The following ZFPM2 variants were observed in gnomAD, a reference collection of about 807,000 sequenced individuals.
ZFPM2 encodes zinc finger protein, FOG family member 2.
ZFPM2 carries 20 observed loss-of-function variants against 98.6 expected under a neutral mutation model. That is an observed-to-expected ratio of 0.20 (90% confidence interval 0.14 to 0.29). ZFPM2 has a LOEUF of 0.29. Ranked by LOEUF, ZFPM2 falls within the 10% of genes least tolerant of loss-of-function variation. The pLI is 1.00. For missense variants in ZFPM2, 1,310 were observed against 1,388.6 expected, an observed-to-expected ratio of 0.94 and a Z score of 0.90; for synonymous variants, 518 against 502.7, an observed-to-expected ratio of 1.03 and a Z score of -0.41.
chr8:105,451,994 G>A (rs1812493443), intron 3 of ZFPM2, among the ~76,000 whole-genome samples: 1 of 151,988 alleles, frequency 6.6e-6, no homozygotes, highest in African/African-American at 2.4e-5. Flanking sequence ...AAAAAATGTA[G>A]GTGTGGTCAG....
chr8:105,342,793 T>A (rs895996012), intron 1 of ZFPM2, among the ~76,000 whole-genome samples: 2 of 152,088 alleles, frequency 1.3e-5, no homozygotes, highest in African/African-American at 4.8e-5. Context: ...AATTTCACTT[T>A]TACAAACTAT....
intron 3 of ZFPM2, among the ~76,000 whole-genome samples, chr8:105,513,346 T>C (rs1332043345): frequency 1.3e-5 from 2 of 152,172 alleles, no homozygotes; most frequent in African/African-American, 4.8e-5. Flanking sequence ...TTGCAGATAA[T>C]AGTGGTTTAG....
At chr8:105,609,127 G>T (rs1258617339) in intron 4 of ZFPM2, among the ~76,000 whole-genome samples, 2 of 152,018 alleles carry the variant, frequency 1.3e-5, no homozygotes, top group Non-Finnish European at 2.9e-5. Context: ...TATTCCCAGG[G>T]GACATAAAAG....
At chr8:105,455,305 G>C (rs1812565462) in intron 3 of ZFPM2, among the ~76,000 whole-genome samples, 1 of 152,096 alleles carries the variant, frequency 6.6e-6, no homozygotes, top group African/African-American at 2.4e-5. Context: ...AGAGAAAAAG[G>C]CATTATTAGT....
chr8:105,508,485 CAATT>C (rs960445555), intron 3 of ZFPM2, among the ~76,000 whole-genome samples: 18 of 152,020 alleles, frequency 1.2e-4, no homozygotes, highest in African/African-American at 4.4e-4. Flanking sequence ...TCTCTCGTAA[CAATT>C]AATACTTTAA....
chr8:105,546,253 AT>A (rs1814694641), intron 3 of ZFPM2, among the ~76,000 whole-genome samples: 1 of 151,948 alleles, frequency 6.6e-6, no homozygotes, highest in African/African-American at 2.4e-5. Flanking sequence ...CATATGTTTT[AT>A]TTTCGTCTTT....
chr8:105,704,438 C>A (rs143018737), intron 5 of ZFPM2, among the ~76,000 whole-genome samples: 7 of 152,134 alleles, frequency 4.6e-5, no homozygotes, highest in African/African-American at 1.7e-4. Flanking sequence ...GTACATGGTT[C>A]TCTCTGTGCT....
At position 105,479,466 on chromosome 8, in the gene ZFPM2, G is replaced by T. The variant is rs1419958190; in HGVS notation, c.301+35085G>T. Among the ~76,000 whole-genome samples, 6 of 152,222 alleles carry T rather than the reference G, an allele frequency of 3.9e-5. No homozygotes were observed. The East Asian group carries it at 1.2e-3, about 29-fold the overall frequency. On this transcript the variant is annotated intron_variant, in intron 3 of 7. Transcript: ENST00000407775. ...CTGCACCTTGTACACAGAAGGTAGT[G>T]GCTCAAAATGTGCAAATTCTTCCAA...
chr8:105,696,016 C>G (rs1435274998), intron 5 of ZFPM2, among the ~76,000 whole-genome samples: 1 of 152,122 alleles, frequency 6.6e-6, no homozygotes, highest in Non-Finnish European at 1.5e-5. Context: ...ACTTTCTTTC[C>G]ATAACTATGA....
At chr8:105,476,459 C>T (rs1391239514) in intron 3 of ZFPM2, among the ~76,000 whole-genome samples, 2 of 152,106 alleles carry the variant, frequency 1.3e-5, no homozygotes. Context: ...CCGGAACCAT[C>T]CCCACCCCTC....
At chr8:105,781,583 T>G (rs1295954946) in intron 5 of ZFPM2, among the ~76,000 whole-genome samples, 1 of 151,656 alleles carries the variant, frequency 6.6e-6, no homozygotes, top group African/African-American at 2.4e-5. Flanking sequence ...TAGCTGGGAG[T>G]GGTAGCACAT....
At chr8:105,726,036 A>T (rs958226899) in intron 5 of ZFPM2, among the ~76,000 whole-genome samples, 1 of 151,802 alleles carries the variant, frequency 6.6e-6, no homozygotes, top group African/African-American at 2.4e-5. Flanking sequence ...AAAATAACCT[A>T]TTTTTAAGTA....
In ZFPM2 at chr8:105,425,822, A is replaced by G. The variant is rs143188353; in HGVS notation, c.199+6520A>G. Reference sequence around the variant, plus strand: ...AGGTAAAGCAACAGAAGTTTTGTCTAGAGTCTTAATAACGAAAAGAATGCT... The same window carrying G: ...AGGTAAAGCAACAGAAGTTTTGTCTGGAGTCTTAATAACGAAAAGAATGCT... On this transcript the variant is annotated intron_variant, in intron 2 of 7. Transcript: ENST00000407775. Among the ~76,000 whole-genome samples, 111 of 152,310 alleles carry G rather than the reference A, an allele frequency of 7.3e-4. No individual in the cohort carries two copies. The East Asian group carries it at 0.02, about 28-fold the overall frequency.
At chr8:105,697,680 A>G (rs1486274671) in intron 5 of ZFPM2, among the ~76,000 whole-genome samples, 1 of 152,178 alleles carries the variant, frequency 6.6e-6, no homozygotes, top group East Asian at 1.9e-4. Context: ...CACATGAAAA[A>G]ATTAGATATA....
chr8:105,362,066 T>C (rs1413292941), intron 1 of ZFPM2, among the ~76,000 whole-genome samples: 1 of 152,034 alleles, frequency 6.6e-6, no homozygotes, highest in Non-Finnish European at 1.5e-5. Context: ...CATGTGAATG[T>C]GTGTGTGTAT....
intron 5 of ZFPM2, among the ~76,000 whole-genome samples, chr8:105,683,714 A>T (rs1476803268): frequency 6.6e-6 from 1 of 152,124 alleles, no homozygotes; most frequent in Non-Finnish European, 1.5e-5. Context: ...ATCAGCCCTG[A>T]GATTACCCTC....
chr8:105,431,830 G>T (rs1362595148), intron 2 of ZFPM2, among the ~76,000 whole-genome samples: 1 of 151,532 alleles, frequency 6.6e-6, no homozygotes, highest in African/African-American at 2.4e-5. Flanking sequence ...TAAGGTAGAA[G>T]AGTTGCTTGG....
Position 105,726,176 on chromosome 8 carries a change from AT to A in ZFPM2, c.533-62532del, listed in dbSNP as rs3837169. 2.7e-5 allele frequency among the ~76,000 whole-genome samples: 4 copies of A among 150,038 alleles called. No individual in the cohort carries two copies. The East Asian group carries it at 6.0e-4, about 22-fold the overall frequency. ...GGCTGCGTCTGGCTCAGATGTTGTG[AT>A]TTTTTTTTTATTTTTCTGTTTTTGC... On this transcript the variant is annotated intron_variant, in intron 5 of 7. Coordinates refer to ENST00000407775, the MANE Select transcript of ZFPM2 (RefSeq NM_012082.4).
intron 1 of ZFPM2, among the ~76,000 whole-genome samples, chr8:105,408,178 C>T (rs1223014831): frequency 3.9e-5 from 6 of 152,038 alleles, no homozygotes; most frequent in South Asian, 2.1e-4. Flanking sequence ...ACACCCTACC[C>T]GCTCTCCTAA....
Sources: gnomAD v4.1 joint callset for allele counts (sites outside exome capture counted in the v4.1 genomes callset) on GRCh38, gnomAD v4.1.1 for gene constraint, MANE v1.5 for transcripts, NCBI Gene and HGNC (gene_info 2026-07-23, HGNC 2026-07-21) for gene names.